ZNF507: variants seen among roughly 807,000 people sequenced by gnomAD.
The protein encoded by ZNF507 is zinc finger protein 507.
ZNF507 carries 29 observed loss-of-function variants against 80.0 expected under a neutral mutation model. The observed-to-expected ratio is 0.36, with a 90% CI of 0.27 to 0.49. The LOEUF is 0.49. Among genes scored for constraint, ZNF507 ranks in the 20% least tolerant of loss-of-function variants. ZNF507 has a pLI of 0.98. For missense variants in ZNF507, 1,081 were observed against 1,152.2 expected, an observed-to-expected ratio of 0.94 and a Z score of 0.90; for synonymous variants, 462 against 422.5, an observed-to-expected ratio of 1.09 and a Z score of -1.15.
chr19:32,351,572 G>C (rs1967169809), intron 2 of ZNF507, among the ~76,000 whole-genome samples: 1 of 143,228 alleles, frequency 7.0e-6, no homozygotes, highest in Non-Finnish European at 1.5e-5. Context: ...CATCTTGGCA[G>C]GGGCTGAAGG....
intron 5 of ZNF507, among the ~76,000 whole-genome samples, chr19:32,371,638 TTATTA>T: frequency 2.7e-5 from 2 of 73,564 alleles, no homozygotes; most frequent in Non-Finnish European, 6.8e-5. Flanking sequence ...ATTATTATTA[TTATTA>T]TTTTTTTTTT....
chr19:32,362,889 A>T (rs1967348018), intron 5 of ZNF507, among the ~76,000 whole-genome samples: 1 of 152,084 alleles, frequency 6.6e-6, no homozygotes, highest in African/African-American at 2.4e-5. Flanking sequence ...TGTACTTATT[A>T]TCAGTTTTTC....
Position 32,380,854 on chromosome 19 carries a change from G to A in ZNF507, c.2361-1613G>A, listed in dbSNP as rs188029980. Among the ~76,000 whole-genome samples, 983 of 152,026 alleles carry A rather than the reference G, an allele frequency of 6.5e-3. 18 individuals are homozygous for A. Among genetic ancestry groups the A allele is most frequent in the South Asian group, 0.011 (52 of 4,810 alleles). On this transcript the variant is annotated intron_variant, in intron 5 of 6. Coordinates refer to ENST00000355898, the MANE Select transcript of ZNF507 (RefSeq NM_001136156.2). ...TGAGGCAAGAGGATTGCTTGAGCCC[G>A]GGAGTTTGAGACTGTAGTGAGCTAT... is the stretch of plus-strand genomic sequence containing the variant.
rs972724096 is a variant in ZNF507 at position 32,386,987 on chromosome 19, T to C, written c.*3904T>C. The C allele has an allele frequency of 6.6e-6, 1 of 152,242 alleles. No individual in the cohort carries two copies. The highest frequency in any genetic ancestry group is 2.1e-4 in the South Asian group (1 of 4,836). The allele number at this position is 152,242 out of a possible 1,614,324, so 9.4% of individuals were successfully genotyped here. On this transcript the variant is annotated 3_prime_UTR_variant, in exon 7 of 7. Coordinates refer to ENST00000355898, the MANE Select transcript of ZNF507 (RefSeq NM_001136156.2). The stretch of plus-strand genomic sequence containing the variant: ...GAAGGTTATGATGACTCTTGATAAC[T>C]TGTTAATCTGTTGCTGACTAGCATT...
chr19:32,382,275 T>G (rs1967633181), intron 5 of ZNF507, 192 bp from the exon 6 acceptor site: 1 of 562,670 alleles, frequency 1.8e-6, no homozygotes. Context: ...TCATTGATTC[T>G]AGGACTTCCA....
intron 2 of ZNF507, among the ~76,000 whole-genome samples, chr19:32,349,545 T>G (rs1456522198): frequency 6.6e-6 from 1 of 152,256 alleles, no homozygotes; most frequent in Non-Finnish European, 1.5e-5. Flanking sequence ...AATGTTTGCC[T>G]TATCCACTCA....
At chr19:32,377,290 C>T (rs909697963) in intron 5 of ZNF507, among the ~76,000 whole-genome samples, 1 of 152,178 alleles carries the variant, frequency 6.6e-6, no homozygotes, top group African/African-American at 2.4e-5. Flanking sequence ...GCTGGCATTA[C>T]CGCTAGACCA....
At chr19:32,371,397 C>A (rs571610862) in intron 5 of ZNF507, among the ~76,000 whole-genome samples, 68 of 149,602 alleles carry the variant, frequency 4.5e-4, no homozygotes, top group Non-Finnish European at 1.5e-5. Flanking sequence ...TCACCTGAAC[C>A]TGGGAGGGGG....
At chr19:32,378,880 G>A (rs1967588182) in intron 5 of ZNF507, among the ~76,000 whole-genome samples, 1 of 152,192 alleles carries the variant, frequency 6.6e-6, no homozygotes, top group Non-Finnish European at 1.5e-5. Context: ...CTGAATGAAA[G>A]TGAGGAGGCG....
At chr19:32,351,428 T>TGA (rs1459406566) in intron 2 of ZNF507, among the ~76,000 whole-genome samples, 1 of 124,938 alleles carries the variant, frequency 8.0e-6, no homozygotes, top group Non-Finnish European at 1.7e-5. Context: ...GCTGTGTGTG[T>TGA]GTGTGTGTGT....
rs58667220 is a variant in ZNF507 at position 32,364,083 on chromosome 19, C to A, written c.2360+3465C>A. Among the ~76,000 whole-genome samples, 544 of 152,322 alleles carry A rather than the reference C, an allele frequency of 3.6e-3. 4 individuals carry two copies. The highest frequency in any genetic ancestry group is 0.013 in the African/African-American group (526 of 41,576). On this transcript the variant is annotated intron_variant, in intron 5 of 6. Coordinates refer to ENST00000355898, the MANE Select transcript of ZNF507 (RefSeq NM_001136156.2). Reference sequence around the variant, plus strand: ...GAGATTATATTTATGAAGTACCCAGCATGTTACTTGGTGCATTGAAGGGGC... The same window carrying A: ...GAGATTATATTTATGAAGTACCCAGAATGTTACTTGGTGCATTGAAGGGGC...
chr19:32,377,944 C>G (rs956696508), intron 5 of ZNF507, among the ~76,000 whole-genome samples: 2 of 151,986 alleles, frequency 1.3e-5, no homozygotes, highest in Admixed American at 6.6e-5. Context: ...GCCTTTCTCC[C>G]AAGAACCCAT....
At chr19:32,359,075 A>G (rs1967288331) in intron 4 of ZNF507, 1 of 152,226 alleles carries the variant, frequency 6.6e-6, no homozygotes, top group South Asian at 2.1e-4. Flanking sequence ...TATTTCTCAC[A>G]CAAAACCATT....
chr19:32,368,217 G>A (rs371975544), intron 5 of ZNF507, among the ~76,000 whole-genome samples: 2 of 152,172 alleles, frequency 1.3e-5, no homozygotes, highest in African/African-American at 4.8e-5. Context: ...TCTGTGGGTC[G>A]GTCAGGAATT....
chr19:32,366,222 T>C (rs1430304248), intron 5 of ZNF507, among the ~76,000 whole-genome samples: 1 of 152,186 alleles, frequency 6.6e-6, no homozygotes, highest in Admixed American at 6.5e-5. Flanking sequence ...TTAAATAGAT[T>C]TTATAATTGA....
At chr19:32,380,687 G>A (rs904797642) in intron 5 of ZNF507, 2 of 1,423,012 alleles carry the variant, frequency 1.4e-6, no homozygotes, top group African/African-American at 1.4e-5. Context: ...TTGGAAAAGT[G>A]CATTTGCAGT....
chr19:32,377,538 G>C (rs1349755421), intron 5 of ZNF507, among the ~76,000 whole-genome samples: 1 of 152,120 alleles, frequency 6.6e-6, no homozygotes, highest in African/African-American at 2.4e-5. Flanking sequence ...AACTCTTGTT[G>C]TTTTATATAT....
intron 3 of ZNF507, among the ~76,000 whole-genome samples, chr19:32,355,632 T>C (rs1323073933): frequency 6.6e-6 from 1 of 152,248 alleles, no homozygotes; most frequent in Non-Finnish European, 1.5e-5. Flanking sequence ...TTAGAACTTT[T>C]CTTCAGTGGG....
At chr19:32,349,400 C>T (rs749843241) in intron 2 of ZNF507, among the ~76,000 whole-genome samples, 1 of 152,170 alleles carries the variant, frequency 6.6e-6, no homozygotes, top group Non-Finnish European at 1.5e-5. Context: ...TCTTACCTCT[C>T]CATGAAGCTT....
Sources: allele counts gnomAD v4.1 joint callset (sites outside exome capture counted in the v4.1 genomes callset), GRCh38; gene constraint gnomAD v4.1.1; transcripts MANE v1.5; gene names NCBI Gene and HGNC (gene_info 2026-07-23, HGNC 2026-07-21).